The following KIF26B variants were observed in gnomAD, a reference collection of about 807,000 sequenced individuals.
KIF26B encodes the protein kinesin-like protein KIF26B.
A neutral mutation model predicts 151.2 loss-of-function variants in KIF26B; 63 were observed. The ratio of observed to expected loss-of-function variants is 0.42; its 90% confidence interval spans 0.34 to 0.51. The LOEUF (loss-of-function observed/expected upper bound fraction) is 0.51. KIF26B is among the 20% of genes least tolerant of loss of function. The pLI is 0.07. For synonymous variants in KIF26B, 1,357 were observed against 1,262.1 expected (o/e 1.08, Z -1.59); for missense variants, 2,813 against 2,913.6 (o/e 0.97, Z 0.79).
chr1:245,280,002 A>C (rs894174538), intron 2 of KIF26B, among the ~76,000 whole-genome samples: 8 of 152,030 alleles, frequency 5.3e-5, no homozygotes, highest in Non-Finnish European at 1.2e-4. Flanking sequence ...TGGTGTGTCC[A>C]TGTGTGGCTC....
intron 2 of KIF26B, among the ~76,000 whole-genome samples, chr1:245,330,896 T>G (rs1021837430): frequency 2.0e-5 from 3 of 151,566 alleles, no homozygotes; most frequent in African/African-American, 7.3e-5. Context: ...AATGAAGTGC[T>G]TTTTTTAAAA....
rs555851031 is a variant in KIF26B at position 245,702,447 on chromosome 1, C to T, written c.6179-11C>T. 6.2e-7 allele frequency: 1 copy of T among 1,613,840 alleles called. No individual in the cohort carries two copies. The highest frequency in any genetic ancestry group is 1.7e-5 in the Admixed American group (1 of 60,008). ...GCTCTGCGTCTCCATCAGGCTCTTCCTCTCTTGCAGTTGACTTGGAGCAGG... is the reference window on the plus strand; with the variant it reads ...GCTCTGCGTCTCCATCAGGCTCTTCTTCTCTTGCAGTTGACTTGGAGCAGG... On this transcript the variant is annotated splice_polypyrimidine_tract_variant and intron_variant, in intron 14 of 14. Coordinates refer to ENST00000407071, the MANE Select transcript of KIF26B (RefSeq NM_018012.4). The surrounding 1 kb of genome is among the most constrained non-coding windows in gnomAD (Gnocchi z 4.1).
intron 3 of KIF26B, 44 bp from the exon 4 acceptor site, chr1:245,419,535 A>G: frequency 1.9e-6 from 3 of 1,555,362 alleles, no homozygotes; most frequent in Non-Finnish European, 2.6e-6. Flanking sequence ...CAGGAAAAGC[A>G]GTGAGCCACA....
In KIF26B at chr1:245,158,892, A is replaced by G. The variant is rs184040645; in HGVS notation, c.465+2209A>G. On this transcript the variant is annotated intron_variant, in intron 2 of 14. Coordinates refer to ENST00000407071, the MANE Select transcript of KIF26B (RefSeq NM_018012.4). ...TGTGGTGTGTGTTTTAAGCATTTGT[A>G]CCTTGCATTTAGGTACAATTTCCAT... Among the ~76,000 whole-genome samples, 27 of 151,436 alleles carry G rather than the reference A, an allele frequency of 1.8e-4. No individual in the cohort carries two copies. In the East Asian group the frequency reaches 5.2e-3, roughly 29 times the overall value.
chr1:245,556,905 A>G (rs1662053558), intron 5 of KIF26B, among the ~76,000 whole-genome samples: 1 of 151,882 alleles, frequency 6.6e-6, no homozygotes, highest in African/African-American at 2.4e-5. Flanking sequence ...GGCTCACCAC[A>G]GTCATCCCAT....
chr1:245,562,466 G>A (rs945281620), intron 5 of KIF26B, among the ~76,000 whole-genome samples: 3 of 152,018 alleles, frequency 2.0e-5, no homozygotes, highest in African/African-American at 7.2e-5. Flanking sequence ...GACCGGCCTC[G>A]GGAGTCCAGG....
At chr1:245,157,279 T>C (rs1668454823) in intron 2 of KIF26B, among the ~76,000 whole-genome samples, 2 of 152,182 alleles carry the variant, frequency 1.3e-5, no homozygotes, top group African/African-American at 4.8e-5. Flanking sequence ...CACTGGTTCC[T>C]CCATAGCAAC....
intron 5 of KIF26B, among the ~76,000 whole-genome samples, chr1:245,575,845 T>C (rs1173361232): frequency 6.6e-6 from 1 of 152,210 alleles, no homozygotes; most frequent in Non-Finnish European, 1.5e-5. Context: ...GAATGACTTC[T>C]TGAACTATGA....
intron 2 of KIF26B, among the ~76,000 whole-genome samples, chr1:245,221,568 G>T (rs566431064): frequency 1.3e-5 from 2 of 150,396 alleles, no homozygotes; most frequent in African/African-American, 5.0e-5. Context: ...CACCACGTCC[G>T]GCTAATTTTT....
chr1:245,687,651 C>A lies in KIF26B; in HGVS notation c.4668C>A (p.Tyr1556Ter). Residue 1556 changes from tyrosine (Y) to a stop codon, truncating the protein, a stop_gained, in exon 12 of 15, where the codon TAC becomes TAA. Transcript: ENST00000407071. LOFTEE classifies it high-confidence loss of function. The surrounding 1 kb of genome is among the most constrained non-coding windows in gnomAD (Gnocchi z 4.9). The part of the protein sequence containing the change: ...RQEEPDSLSY[Y>*]CAAETNGVGA... ...AGGAGCCGGACAGCCTCTCCTATTA[C>A]TGCGCTGCTGAGACCAACGGGGTGG... The A allele has an allele frequency of 1.3e-6, 2 of 1,572,856 alleles. No individual in the cohort carries two copies. The highest frequency in any genetic ancestry group is 1.7e-6 in the Non-Finnish European group (2 of 1,159,392).
Position 245,488,590 on chromosome 1 carries a change from A to G in KIF26B, c.1167-52177A>G, listed in dbSNP as rs1393117904. On this transcript the variant is annotated intron_variant, in intron 4 of 14. Coordinates refer to ENST00000407071, the MANE Select transcript of KIF26B (RefSeq NM_018012.4). This position sits in a 1 kb window ranked among gnomAD's most constrained non-coding sequence, Gnocchi z 4.6. ...CTCCTGGTCCACATCCATCCCTGGAATTAGATCGGAGCCACAGATGCTATC... is the reference window on the plus strand; with the variant it reads ...CTCCTGGTCCACATCCATCCCTGGAGTTAGATCGGAGCCACAGATGCTATC... Among the ~76,000 whole-genome samples the G allele has an allele frequency of 6.6e-6, 1 of 152,284 alleles. No homozygotes were observed. The highest frequency in any genetic ancestry group is 1.9e-4 in the East Asian group (1 of 5,182).
chr1:245,490,342 T>A (rs1660380477), intron 4 of KIF26B, among the ~76,000 whole-genome samples: 2 of 142,322 alleles, frequency 1.4e-5, no homozygotes, highest in South Asian at 4.6e-4. Flanking sequence ...AGACAGAGTC[T>A]TGCTCTGTCA....
chr1:245,262,301 T>G (rs566563477), intron 2 of KIF26B, among the ~76,000 whole-genome samples: 2 of 152,324 alleles, frequency 1.3e-5, no homozygotes, highest in South Asian at 4.1e-4. Flanking sequence ...TTTTATTTCC[T>G]TGGTGAGAGC....
intron 9 of KIF26B, among the ~76,000 whole-genome samples, chr1:245,622,613 C>T (rs905993052): frequency 1.3e-5 from 2 of 152,234 alleles, no homozygotes; most frequent in Non-Finnish European, 2.9e-5. Flanking sequence ...CCCCAAATTA[C>T]TTGGCCTCCA....
intron 4 of KIF26B, among the ~76,000 whole-genome samples, chr1:245,424,537 G>T (rs958354320): frequency 1.3e-5 from 2 of 152,184 alleles, no homozygotes; most frequent in Non-Finnish European, 2.9e-5. Context: ...AGAACTGTGG[G>T]TGGAGGTCTG....
intron 2 of KIF26B, among the ~76,000 whole-genome samples, chr1:245,324,721 C>T (rs922060621): frequency 7.2e-5 from 11 of 152,158 alleles, no homozygotes; most frequent in African/African-American, 1.4e-4. Context: ...GCATGAAACA[C>T]GGCCATCCCT....
rs111553943 is a variant in KIF26B at position 245,155,902 on chromosome 1, A to G, written c.64-380A>G. Among the ~76,000 whole-genome samples the G allele has an allele frequency of 2.1e-3, 318 of 149,894 alleles. 3 individuals carry two copies. The highest frequency in any genetic ancestry group is 7.5e-3 in the African/African-American group (303 of 40,644). ...ATCCTGAAATCACAGCCCTCCCCCT[A>G]CCCCCCCCATAGGGTCTTCCAGGAT... On this transcript the variant is annotated intron_variant, in intron 1 of 14. Coordinates refer to ENST00000407071, the MANE Select transcript of KIF26B (RefSeq NM_018012.4).
intron 3 of KIF26B, among the ~76,000 whole-genome samples, chr1:245,396,434 AC>A (rs888442323): frequency 4.6e-4 from 70 of 152,270 alleles, no homozygotes; most frequent in African/African-American, 1.6e-3. Flanking sequence ...ATGGCTTCAA[AC>A]CTTTATTGCA....
At position 245,702,041 on chromosome 1, in the gene KIF26B, A is replaced by G. The variant is rs996026264; in HGVS notation, c.6179-417A>G. 6.6e-6 allele frequency among the ~76,000 whole-genome samples: 1 copy of G among 152,240 alleles called. No individual in the cohort carries two copies. Among genetic ancestry groups the G allele is most frequent in the African/African-American group, 2.4e-5 (1 of 41,464 alleles). ...CCAGAAACGTCCTTTCATATAAGGAAGCAGAGGTATAAATGTCACTCAACT... is the reference window on the plus strand; with the variant it reads ...CCAGAAACGTCCTTTCATATAAGGAGGCAGAGGTATAAATGTCACTCAACT... On this transcript the variant is annotated intron_variant, in intron 14 of 14. Transcript: ENST00000407071. The surrounding 1 kb of genome is among the most constrained non-coding windows in gnomAD (Gnocchi z 4.1).
Sources: allele counts gnomAD v4.1 joint callset (sites outside exome capture counted in the v4.1 genomes callset), GRCh38; gene constraint gnomAD v4.1.1; non-coding constraint Gnocchi (gnomAD v3.1); transcripts MANE v1.5; gene names NCBI Gene and HGNC (gene_info 2026-07-23, HGNC 2026-07-21).